The following CA5A variants were observed in gnomAD, a reference collection of about 807,000 sequenced individuals.
CA5A encodes the protein carbonic anhydrase 5A.
CA5A carries 28 observed loss-of-function variants against 37.1 expected under a neutral mutation model. The observed-to-expected ratio is 0.75, with a 90% CI of 0.56 to 1.03. The LOEUF is 1.03. CA5A is among the 50% of genes least tolerant of loss of function. CA5A has a pLI of 0.00. For synonymous variants in CA5A, 171 were observed against 158.4 expected, an observed-to-expected ratio of 1.08 and a Z score of -0.60; for missense variants, 444 against 399.9, an observed-to-expected ratio of 1.11 and a Z score of -0.94.
chr16:87,933,858 A>C (rs1422502409), intron 1 of CA5A, among the ~76,000 whole-genome samples: 9 of 152,184 alleles, frequency 5.9e-5, no homozygotes, highest in Non-Finnish European at 1.3e-4. Flanking sequence ...TGATGTTCCA[A>C]TCTTCTCTGC....
chr16:87,890,239 C>T (rs1345670504), intron 6 of CA5A, among the ~76,000 whole-genome samples: 1 of 152,194 alleles, frequency 6.6e-6, no homozygotes, highest in African/African-American at 2.4e-5. Flanking sequence ...CCTGTACCGC[C>T]CCTCCACACC....
chr16:87,912,226 C>T (rs1264430369), intron 2 of CA5A, among the ~76,000 whole-genome samples: 5 of 152,066 alleles, frequency 3.3e-5, no homozygotes, highest in Non-Finnish European at 7.4e-5. Context: ...CGCTTGAACC[C>T]GGGAGGTGCA....
At chr16:87,928,881 G>A (rs1464286623) in intron 1 of CA5A, among the ~76,000 whole-genome samples, 1 of 143,444 alleles carries the variant, frequency 7.0e-6, no homozygotes, top group East Asian at 2.1e-4. Flanking sequence ...TGGTTCTACT[G>A]CCTCAGCCTC....
chr16:87,907,598 G>A (rs776997994), intron 2 of CA5A, among the ~76,000 whole-genome samples: 2 of 152,172 alleles, frequency 1.3e-5, no homozygotes. Flanking sequence ...GTAAGACTGA[G>A]TTAAGTCCCA....
At chr16:87,935,691 C>T (rs1339950490) in intron 1 of CA5A, among the ~76,000 whole-genome samples, 1 of 152,076 alleles carries the variant, frequency 6.6e-6, no homozygotes, top group African/African-American at 2.4e-5. Context: ...GCCTGGCCAA[C>T]ATGGTGAAAC....
At chr16:87,899,295 C>CTTTTTTT (rs774174056) in intron 5 of CA5A, among the ~76,000 whole-genome samples, 2 of 85,842 alleles carry the variant, frequency 2.3e-5, no homozygotes, top group African/African-American at 9.4e-5. Context: ...CTCCTAAGGT[C>CTTTTTTT]TTTTTTTTTT....
chr16:87,908,984 C>A (rs908197581), intron 2 of CA5A, among the ~76,000 whole-genome samples: 2 of 133,888 alleles, frequency 1.5e-5, no homozygotes, highest in African/African-American at 3.2e-5. Context: ...CCACCACACC[C>A]GGCTATTTTT....
chr16:87,922,059 G>A (rs2056238158), intron 2 of CA5A, among the ~76,000 whole-genome samples: 1 of 151,886 alleles, frequency 6.6e-6, no homozygotes, highest in Non-Finnish European at 1.5e-5. Flanking sequence ...TTTTTGTAGA[G>A]ATGCATTCTC....
chr16:87,919,935 G>C (rs1009401111), intron 2 of CA5A, among the ~76,000 whole-genome samples: 5 of 152,172 alleles, frequency 3.3e-5, no homozygotes, highest in African/African-American at 9.7e-5. Flanking sequence ...ATGGAAAGTG[G>C]CGAACACCAC....
chr16:87,888,702 C>T (rs1240574993), intron 6 of CA5A, among the ~76,000 whole-genome samples: 1 of 152,160 alleles, frequency 6.6e-6, no homozygotes, highest in African/African-American at 2.4e-5. Context: ...AAGCCAGAGC[C>T]ACCCAAATTC....
intron 1 of CA5A, among the ~76,000 whole-genome samples, chr16:87,931,378 C>A (rs2056402658): frequency 6.6e-6 from 1 of 152,190 alleles, no homozygotes; most frequent in Admixed American, 6.5e-5. Context: ...TCCCAAAGTG[C>A]TGGGATTACA....
intron 2 of CA5A, among the ~76,000 whole-genome samples, chr16:87,909,367 G>A (rs1427655852): frequency 6.6e-6 from 1 of 152,166 alleles, no homozygotes; most frequent in Non-Finnish European, 1.5e-5. Flanking sequence ...ACGCTCAGGG[G>A]AAAACCCAAA....
chr16:87,908,779 G>A (rs183299284), intron 2 of CA5A, among the ~76,000 whole-genome samples: 2 of 152,144 alleles, frequency 1.3e-5, no homozygotes, highest in African/African-American at 2.4e-5. Flanking sequence ...TCCCGACCCC[G>A]AGCTGTCCCA....
intron 2 of CA5A, among the ~76,000 whole-genome samples, chr16:87,919,823 T>G (rs1231496501): frequency 2.6e-5 from 4 of 152,184 alleles, no homozygotes; most frequent in African/African-American, 9.7e-5. Flanking sequence ...GGGAGATGGC[T>G]CATGCTGGCT....
intron 1 of CA5A, among the ~76,000 whole-genome samples, chr16:87,929,061 G>A (rs1331530439): frequency 2.7e-5 from 4 of 148,748 alleles, no homozygotes; most frequent in Non-Finnish European, 4.5e-5. Flanking sequence ...GAGCCACCGC[G>A]CCCAGCCTTG....
At chr16:87,916,249 G>C (rs2144022898) in intron 2 of CA5A, among the ~76,000 whole-genome samples, 1 of 152,206 alleles carries the variant, frequency 6.6e-6, no homozygotes, top group South Asian at 2.1e-4. Context: ...GGGAGGCTGA[G>C]GTGGGTGGAT....
chr16:87,887,966 C>G, downstream of CA5A: 1 of 1,077,506 alleles, frequency 9.3e-7, no homozygotes, highest in Non-Finnish European at 1.3e-6. Context: ...ACGGTACTTA[C>G]ACATCTTTCT....
chr16:87,904,779 T>G lies in CA5A; in HGVS notation c.459+7A>C. 6.4e-7 allele frequency: 1 copy of G among 1,574,298 alleles called. No homozygotes were observed. The highest frequency in any genetic ancestry group is 1.3e-5 in the African/African-American group (1 of 74,342). On this transcript the variant is annotated splice_region_variant and intron_variant, in intron 3 of 6. Transcript: ENST00000649794. ...CAGATATGTGCTGTTAGGCCACGTCTACAAACCTCTGCGGGGTACGCGTGG... is the reference window on the plus strand; with the variant it reads ...CAGATATGTGCTGTTAGGCCACGTCGACAAACCTCTGCGGGGTACGCGTGG...
intron 2 of CA5A, chr16:87,924,385 G>A (rs1174069949): frequency 1.9e-5 from 17 of 884,632 alleles, no homozygotes; most frequent in Non-Finnish European, 2.3e-5. Flanking sequence ...TGGTGTTTGC[G>A]ATGCACTGTG....
Sources: allele counts gnomAD v4.1 joint callset (sites outside exome capture counted in the v4.1 genomes callset), GRCh38; gene constraint gnomAD v4.1.1; transcripts MANE v1.5; gene names NCBI Gene and HGNC (gene_info 2026-07-23, HGNC 2026-07-21).